The following MST1 variants were observed in gnomAD, a reference collection of about 807,000 sequenced individuals.
MST1 encodes hepatocyte growth factor-like protein.
In MST1, 76 loss-of-function variants were observed where a neutral mutation model predicts 100.1. That is an observed-to-expected ratio of 0.76 (90% CI 0.63 to 0.92). The LOEUF (loss-of-function observed/expected upper bound fraction) is 0.92. MST1 is among the 40% of genes least tolerant of loss of function. The pLI, the probability that MST1 is intolerant of heterozygous loss-of-function variation, is 0.00. For missense variants in MST1, 850 were observed against 990.0 expected, an observed-to-expected ratio of 0.86 and a Z score of 1.90; for synonymous variants, 352 against 385.4, an observed-to-expected ratio of 0.91 and a Z score of 1.01.
rs763043167 is a variant in MST1, at chr3:49,686,393, G to A, written c.936C>T (p.Thr312=). 1.1e-5 allele frequency: 18 copies of A among 1,612,316 alleles called. No individual in the cohort carries two copies. The South Asian group carries it at 2.0e-4, about 18-fold the overall frequency. Residue 312 remains threonine, a synonymous_variant, in exon 8 of 18, where the codon ACC becomes ACT. Coordinates refer to ENST00000449682, the MANE Select transcript of MST1 (RefSeq NM_020998.4). The part of the protein sequence containing the change: ...GEGYRGTANT[T]TAGVPCQRWD... ...AACGCTGGCAAGGTACGCCCGCAGT[G>A]GTGGTATTGGCTGTGCCCCGGTAGC...
chr3:49,687,608 C>T lies in MST1; in HGVS notation c.303G>A (p.Ser101=), dbSNP rs189135441. ...CAGAACGCCGCAGCCTCGTGTGGGG[C>T]GAGTGTTGAGTCCATGGCAGCAGTT... ...GCQLLPWTQH[S]PHTRLRRSGR... is the part of the protein sequence containing the mutation. The change falls in exon 3 of 18, where the codon TCG becomes TCA. Residue 101 remains serine (S), a synonymous_variant. Coordinates refer to ENST00000449682, the MANE Select transcript of MST1 (RefSeq NM_020998.4). 9.3e-6 allele frequency: 15 copies of T among 1,613,596 alleles called. No homozygotes were observed. The highest frequency in any genetic ancestry group is 8.3e-5 in the Admixed American group (5 of 60,018).
At position 49,684,156 on chromosome 3, in the gene MST1, G is replaced by T. The variant is rs754630317; in HGVS notation, c.2050C>A (p.His684Asn). ...ATTCCTTCCAGGACCCAGCAGTTGTGGGTAAAGCAGGCAAGTGGGCCCCCG... is the reference window on the plus strand; with the variant it reads ...ATTCCTTCCAGGACCCAGCAGTTGTTGGTAAAGCAGGCAAGTGGGCCCCCG... ...DYGGPLACFT[H>N]NCWVLEGIII... is the part of the protein sequence containing the mutation. The change falls in exon 18 of 18, where the codon CAC (histidine) becomes AAC (asparagine). Residue 684 changes from histidine to asparagine, a missense_variant. His to Asn is a moderately conservative substitution (Grantham distance 68, BLOSUM62 1). This residue lies in a region of MST1 where 816 missense variants were observed against 924.6 expected (regional missense o/e 0.88). Transcript: ENST00000449682. The T allele has an allele frequency of 6.2e-7, 1 of 1,613,254 alleles. No individual in the cohort carries two copies. Among genetic ancestry groups the T allele is most frequent in the Non-Finnish European group, 8.5e-7 (1 of 1,179,780 alleles).
At position 49,687,195 on chromosome 3, in the gene MST1, G is replaced by T; in HGVS notation, c.561C>A (p.Asp187Glu). The T allele has an allele frequency of 1.2e-6, 2 of 1,613,424 alleles. No individual in the cohort carries two copies. The highest frequency in any genetic ancestry group is 3.3e-5 in the Admixed American group (2 of 60,018). The part of the protein sequence containing the change: ...DPGGPWCYTT[D>E]PAVRFQSCGI... ...CGCAGCTCTGGAAGCGCACAGCAGG[G>T]TCTGTTGTGTAGCACCAAGGACCTC... The change falls in exon 5 of 18, where the codon GAC becomes GAA. Residue 187 changes from aspartate (D) to glutamate (E), a missense_variant. Around this residue, in one of 2 missense-constraint regions of MST1, gnomAD observed 816 missense variants for 924.6 expected, o/e 0.88. Transcript: ENST00000449682.
In MST1 at chr3:49,688,611, G is replaced by A. The variant is rs148841955; in HGVS notation, c.81C>T (p.Cys27=). ...WLPLLLLLTQ[C]LGVPGQRSPL... is the part of the protein sequence containing the mutation. The stretch of plus-strand genomic sequence containing the variant: ...GGGGGCACTTACCAGGGACCCCTAA[G>A]CATTGAGTCAGAAGCAGCAGGAGTG... The change falls in exon 1 of 18, where the codon TGC becomes TGT. Residue 27 remains cysteine, a synonymous_variant. Transcript: ENST00000449682. The A allele has an allele frequency of 7.4e-6, 12 of 1,612,210 alleles. No homozygotes were observed. The African/African-American group carries it at 1.6e-4, about 22-fold the overall frequency.
rs1455746668 is a variant in MST1 at position 49,687,039 on chromosome 3, T to C, written c.636A>G (p.Glu212=). ...CCGTGCGGTCTACCGCGCCGCGGTA[T>C]TCCTCGCCATTGCACCAGACACACG... ...EAACVWCNGE[E]YRGAVDRTES... Residue 212 remains glutamate (E), a synonymous_variant, in exon 6 of 18, where the codon GAA becomes GAG. Coordinates refer to ENST00000449682, the MANE Select transcript of MST1 (RefSeq NM_020998.4). 2 of 1,611,788 alleles carry C rather than the reference T, an allele frequency of 1.2e-6. No individual in the cohort carries two copies. The highest frequency in any genetic ancestry group is 1.7e-6 in the Non-Finnish European group (2 of 1,179,862).
At position 49,686,420 on chromosome 3, in the gene MST1, C is replaced by T. The variant is rs763855840; in HGVS notation, c.909G>A (p.Glu303=). ...TGGTATTGGCTGTGCCCCGGTAGCC[C>T]TCACCCTTCCCGCGGAAGCAGCTGA... The part of the protein sequence containing the change: ...TTVSCFRGKG[E]GYRGTANTTT... The change falls in exon 8 of 18, where the codon GAG becomes GAA. Residue 303 remains glutamate (E), a synonymous_variant. Transcript: ENST00000449682. The T allele has an allele frequency of 1.1e-5, 17 of 1,612,558 alleles. No individual in the cohort carries two copies. In the Admixed American group the frequency reaches 2.8e-4, roughly 27 times the overall value.
intron 6 of MST1, 55 bp from the exon 7 acceptor site, chr3:49,686,857 C>T: frequency 6.2e-7 from 1 of 1,612,316 alleles, no homozygotes; most frequent in South Asian, 1.1e-5. Flanking sequence ...TTATCTGGCC[C>T]CGCCCAATTG....
rs2053509564 is a variant in MST1, at chr3:49,684,401, G to A, written c.1929C>T (p.Asn643=). The change falls in exon 17 of 18, where the codon AAC becomes AAT. Residue 643 remains asparagine, a synonymous_variant. Coordinates refer to ENST00000449682, the MANE Select transcript of MST1 (RefSeq NM_020998.4). The part of the protein sequence containing the change: ...LNVALLNVIS[N]QECNIKHRGR... ...CTCGGTGCTTGATGTTACACTCCTG[G>A]TTGGAGATGACATTCAGCAAGGCCA... The A allele has an allele frequency of 8.7e-6, 14 of 1,613,390 alleles. No homozygotes were observed. Among genetic ancestry groups the A allele is most frequent in the Non-Finnish European group, 1.2e-5 (14 of 1,179,866 alleles).
intron 6 of MST1, 31 bp downstream of exon 6, chr3:49,686,916 C>T (rs1379979437): frequency 6.2e-7 from 1 of 1,611,622 alleles, no homozygotes; most frequent in South Asian, 1.1e-5. Flanking sequence ...CCTAGCCCGG[C>T]CCCCAGGACG....
chr3:49,685,675 T>C lies in MST1; in HGVS notation c.1308A>G (p.Pro436=). The C allele has an allele frequency of 6.2e-7, 1 of 1,613,428 alleles. No individual in the cohort carries two copies. Among genetic ancestry groups the C allele is most frequent in the Non-Finnish European group, 8.5e-7 (1 of 1,179,846 alleles). The stretch of plus-strand genomic sequence containing the variant: ...ACCAGGGCCCATGGCTATCCCCATC[T>C]GGGTTCCGGCAGAAGTTCTCCTCCA... ...AQLEENFCRN[P]DGDSHGPWCY... Residue 436 remains proline, a synonymous_variant, in exon 11 of 18, where the codon CCA becomes CCG. Coordinates refer to ENST00000449682, the MANE Select transcript of MST1 (RefSeq NM_020998.4).
Position 49,688,830 on chromosome 3 carries a change from G to GC in MST1, c.-140dup. On this transcript the variant is annotated 5_prime_UTR_variant, in exon 1 of 18. Transcript: ENST00000449682. ...AGGCCTCAGGTCCCATAGGTCAGTT[G>GC]CAAGGGCCTAGTACAGCTTAGTGGA... is the stretch of plus-strand genomic sequence containing the variant. The GC allele has an allele frequency of 1.6e-6, 1 of 641,298 alleles. No homozygotes were observed. 39.7% of individuals were successfully genotyped at this position (641,298 alleles called of 1,614,324 possible). A position where few individuals can be genotyped will look rare whatever the true frequency, so the allele number is the denominator to read the frequency against.
In MST1 at chr3:49,684,862, CAT is replaced by C. The variant is rs1559647379; in HGVS notation, c.1643_1644del (p.Tyr548Ter). The C allele has an allele frequency of 1.9e-6, 3 of 1,613,600 alleles. No individual in the cohort carries two copies. Among genetic ancestry groups the C allele is most frequent in the Non-Finnish European group, 1.7e-6 (2 of 1,179,774 alleles). On this transcript the variant is annotated frameshift_variant, in exon 15 of 18. Transcript: ENST00000449682. LOFTEE classifies it high-confidence loss of function. ...TGGAACAGGGTGCCCAACCATACCT[CAT>C]AGCCCGTGAGAGGCATATGGCTGGG... ...FSSCHMPLTG[Y>X]EVWLGTLFQN...
intron 1 of MST1, 123 bp from the exon 2 acceptor site, chr3:49,688,020 T>C: frequency 7.2e-7 from 1 of 1,383,886 alleles, no homozygotes; most frequent in East Asian, 2.5e-5. Flanking sequence ...ATGGACCCTG[T>C]ATGCACTTTC....
Position 49,687,482 on chromosome 3 carries a change from G to A in MST1, c.356-4C>T. 1.9e-6 allele frequency: 3 copies of A among 1,613,494 alleles called. No homozygotes were observed. The highest frequency in any genetic ancestry group is 2.5e-6 in the Non-Finnish European group (3 of 1,179,874). On this transcript the variant is annotated splice_region_variant and splice_polypyrimidine_tract_variant and intron_variant, in intron 3 of 17. Coordinates refer to ENST00000449682, the MANE Select transcript of MST1 (RefSeq NM_020998.4). ...ATGATGCAGGTCCGTACGTAGTCTG[G>A]GAGCAAGAGACAGAAGATCAACTTG... is the stretch of plus-strand genomic sequence containing the variant.
chr3:49,685,692 TCTC>T lies in MST1; in HGVS notation c.1288_1290del (p.Glu430del), dbSNP rs751306787. Reference sequence around the variant, plus strand: ...TCCCCATCTGGGTTCCGGCAGAAGTTCTCCTCCAGTTGTGCATGCGGTTCGGAG... The same window carrying T: ...TCCCCATCTGGGTTCCGGCAGAAGTTCTCCAGTTGTGCATGCGGTTCGGAG... On this transcript the variant is annotated inframe_deletion, in exon 11 of 18. Transcript: ENST00000449682. 182 of 1,613,256 alleles carry T rather than the reference TCTC, an allele frequency of 1.1e-4. No homozygotes were observed. Among genetic ancestry groups the T allele is most frequent in the Middle Eastern group, 9.9e-4 (6 of 6,056 alleles).
chr3:49,686,558 C>T, intron 7 of MST1, 77 bp from the exon 8 acceptor site: 1 of 1,580,996 alleles, frequency 6.3e-7, no homozygotes, highest in Non-Finnish European at 8.6e-7. Flanking sequence ...CCCGCCTTTC[C>T]CAGGTGTACG....
chr3:49,685,176 G>A, intron 13 of MST1, 86 bp downstream of exon 13: 1 of 1,599,436 alleles, frequency 6.3e-7, no homozygotes, highest in Non-Finnish European at 8.5e-7. Context: ...TCTGGGGGCA[G>A]GGATAGATTC....
chr3:49,684,000 C>T lies in MST1; in HGVS notation c.*28G>A. The T allele has an allele frequency of 6.2e-7, 1 of 1,607,786 alleles. No individual in the cohort carries two copies. The highest frequency in any genetic ancestry group is 1.1e-5 in the South Asian group (1 of 90,384). The stretch of plus-strand genomic sequence containing the variant: ...ATGTCTGACAAGAAGTTTTGTCCTC[C>T]CCAAGGCATATGGCATCAAGGCTGG... On this transcript the variant is annotated 3_prime_UTR_variant, in exon 18 of 18. Coordinates refer to ENST00000449682, the MANE Select transcript of MST1 (RefSeq NM_020998.4).
At position 49,687,569 on chromosome 3, in the gene MST1, G is replaced by A. The variant is rs1238548790; in HGVS notation, c.342C>T (p.Leu114=). Residue 114 remains leucine (L), a synonymous_variant, in exon 3 of 18, where the codon CTC becomes CTT. Coordinates refer to ENST00000449682, the MANE Select transcript of MST1 (RefSeq NM_020998.4). ...ACCCCCACTTGCCTTTCTTCTGGAAGAGGTCACAGCGCCCAGAACGCCGCA... is the reference window on the plus strand; with the variant it reads ...ACCCCCACTTGCCTTTCTTCTGGAAAAGGTCACAGCGCCCAGAACGCCGCA... ...TRLRRSGRCD[L]FQKKDYVRTC... is the part of the protein sequence containing the mutation. The A allele has an allele frequency of 1.9e-6, 3 of 1,613,434 alleles. No individual in the cohort carries two copies. The highest frequency in any genetic ancestry group is 3.3e-4 in the Middle Eastern group (2 of 6,078).
Sources: allele counts gnomAD v4.1 joint callset, GRCh38; gene constraint gnomAD v4.1.1; regional missense constraint gnomAD v4.1.1; transcripts MANE v1.5; gene names NCBI Gene and HGNC (gene_info 2026-07-23, HGNC 2026-07-21).